SGCD: variants seen among roughly 807,000 people sequenced by gnomAD.
SGCD encodes the protein sarcoglycan delta, also known as delta-sarcoglycan.
In SGCD, 18 loss-of-function variants were observed where a neutral mutation model predicts 36.6. That is an observed-to-expected ratio of 0.49 (90% confidence interval 0.34 to 0.73). The LOEUF (loss-of-function observed/expected upper bound fraction) is 0.73, where lower values mean the gene tolerates loss of function less well. SGCD is among the 30% of genes least tolerant of loss of function. SGCD has a pLI of 0.01. For missense variants in SGCD, 387 were observed against 346.7 expected (o/e 1.12, Z -0.92); for synonymous variants, 133 against 130.6 (o/e 1.02, Z -0.12).
rs542840649 is a variant in SGCD, at chr5:156,598,747, C to G, written c.502+3696C>G. On this transcript the variant is annotated intron_variant, in intron 6 of 8. Coordinates refer to ENST00000337851, the MANE Select transcript of SGCD (RefSeq NM_000337.6). ...CATAGGATAATTTTAAACGTCCAGA[C>G]ACTTTGGCTTAATCTTAACATCCAA... 3.9e-5 allele frequency among the ~76,000 whole-genome samples: 6 copies of G among 152,338 alleles called. No individual in the cohort carries two copies. The South Asian group carries it at 1.2e-3, about 32-fold the overall frequency.
At chr5:155,918,845 C>T (rs1756811458) in intron 1 of SGCD, among the ~76,000 whole-genome samples, 1 of 152,156 alleles carries the variant, frequency 6.6e-6, no homozygotes, top group Non-Finnish European at 1.5e-5. Flanking sequence ...TTTATCTTCC[C>T]CCTTCTCCTC....
intron 2 of SGCD, among the ~76,000 whole-genome samples, chr5:156,337,954 C>G (rs1580840381): frequency 6.6e-6 from 1 of 152,246 alleles, no homozygotes; most frequent in East Asian, 1.9e-4. Context: ...CAGCACCTAC[C>G]CCCATAAATT....
chr5:156,485,330 A>G (rs1046559326), intron 3 of SGCD, among the ~76,000 whole-genome samples: 13 of 152,202 alleles, frequency 8.5e-5, no homozygotes, highest in African/African-American at 3.1e-4. Context: ...GAGAGCCATT[A>G]ATAAAGGTGG....
intron 3 of SGCD, among the ~76,000 whole-genome samples, chr5:156,389,984 C>A (rs1435269394): frequency 6.6e-6 from 1 of 152,048 alleles, no homozygotes; most frequent in Non-Finnish European, 1.5e-5. Context: ...TGAAAAATTT[C>A]TATAGCCTGG....
chr5:156,676,028 C>G (rs773437655), intron 7 of SGCD, among the ~76,000 whole-genome samples: 6 of 152,114 alleles, frequency 3.9e-5, no homozygotes, highest in Non-Finnish European at 8.8e-5. Context: ...TTAACCATAG[C>G]ATGGAAATGA....
chr5:156,369,913 T>A (rs934202705), intron 3 of SGCD, among the ~76,000 whole-genome samples: 2 of 152,246 alleles, frequency 1.3e-5, no homozygotes, highest in Admixed American at 6.5e-5. Flanking sequence ...TTTCAGGTGC[T>A]TTCTCTTCAC....
the SGCD span, among the ~76,000 whole-genome samples, chr5:155,742,711 G>C: frequency 6.6e-6 from 1 of 152,270 alleles, no homozygotes; most frequent in Non-Finnish European, 1.5e-5. Context: ...CTATAATTCA[G>C]TTCTCACTAT....
At chr5:155,842,496 C>A in the SGCD span, among the ~76,000 whole-genome samples, 1,365 of 151,968 alleles carry the variant, frequency 9.0e-3, 20 homozygotes, top group African/African-American at 0.031. Context: ...TTGCTTGAAC[C>A]AGAGAGTCAG....
At chr5:155,934,727 GT>G (rs1347065740) in intron 1 of SGCD, among the ~76,000 whole-genome samples, 1 of 152,168 alleles carries the variant, frequency 6.6e-6, no homozygotes, top group East Asian at 1.9e-4. Flanking sequence ...GATTTAGGAT[GT>G]CATAGCCTTT....
At chr5:156,307,149 C>T (rs1225279678) in intron 3 of SGCD, among the ~76,000 whole-genome samples, 1 of 151,620 alleles carries the variant, frequency 6.6e-6, no homozygotes, top group Admixed American at 6.6e-5. Flanking sequence ...CCAAGCAATC[C>T]TTCCACCTCA....
At chr5:155,859,209 A>G in the SGCD span, among the ~76,000 whole-genome samples, 2 of 151,766 alleles carry the variant, frequency 1.3e-5, no homozygotes, top group Non-Finnish European at 2.9e-5. Flanking sequence ...ATGTGCCACC[A>G]TGCCTGGCTA....
chr5:156,368,558 A>T (rs1770226087), intron 3 of SGCD, among the ~76,000 whole-genome samples: 1 of 152,146 alleles, frequency 6.6e-6, no homozygotes, highest in Admixed American at 6.5e-5. Flanking sequence ...TCATTTTTTT[A>T]AATGGCAGTA....
chr5:155,932,884 G>T (rs985268967), intron 1 of SGCD, among the ~76,000 whole-genome samples: 60 of 151,962 alleles, frequency 3.9e-4, no homozygotes, highest in African/African-American at 1.3e-3. Flanking sequence ...TGAAAAGCTG[G>T]ATTTAGTATT....
intron 3 of SGCD, among the ~76,000 whole-genome samples, chr5:156,204,798 A>G (rs1764235171): frequency 6.6e-6 from 1 of 152,118 alleles, no homozygotes; most frequent in Admixed American, 6.6e-5. Context: ...TCACAATGAA[A>G]TAGCAAGATG....
chr5:156,504,693 G>A (rs900927184), intron 3 of SGCD, among the ~76,000 whole-genome samples: 2 of 151,946 alleles, frequency 1.3e-5, no homozygotes, highest in African/African-American at 2.4e-5. Flanking sequence ...ATTTCCTTAC[G>A]ATGAAATCCA....
At chr5:156,352,980 A>G (rs982149498) in intron 3 of SGCD, among the ~76,000 whole-genome samples, 4 of 152,198 alleles carry the variant, frequency 2.6e-5, no homozygotes, top group African/African-American at 7.2e-5. Flanking sequence ...AACATGGTTT[A>G]TTTACCCTGA....
intron 4 of SGCD, among the ~76,000 whole-genome samples, chr5:156,520,497 C>CAGAAGTAGAGAAAACTATTTT (rs555715008): frequency 1.8e-3 from 274 of 152,178 alleles, no homozygotes; most frequent in African/African-American, 6.6e-3. Flanking sequence ...ATGTTACTCA[C>CAGAAGTAGAGAAAACTATTTT]AGAAGTAGAG....
intron 3 of SGCD, among the ~76,000 whole-genome samples, chr5:156,403,861 G>A (rs957027370): frequency 6.7e-5 from 10 of 150,280 alleles, no homozygotes; most frequent in African/African-American, 2.5e-4. Context: ...TTGAGATGGA[G>A]GCTCACTATG....
intron 3 of SGCD, among the ~76,000 whole-genome samples, chr5:156,462,614 G>A (rs558584977): frequency 6.6e-6 from 1 of 152,238 alleles, no homozygotes; most frequent in Admixed American, 6.5e-5. Context: ...GGATTAAGTG[G>A]ATTTTGACTG....
Sources: gnomAD v4.1 joint callset for allele counts (sites outside exome capture counted in the v4.1 genomes callset) on GRCh38, gnomAD v4.1.1 for gene constraint, MANE v1.5 for transcripts, NCBI Gene and HGNC (gene_info 2026-07-23, HGNC 2026-07-21) for gene names.